Variants in OBI1 observed in about 807,000 individuals in gnomAD.
OBI1 encodes the protein ring finger protein 219.
A neutral mutation model predicts 62.4 loss-of-function variants in OBI1; 59 were observed. The observed-to-expected ratio is 0.95, with a 90% CI of 0.77 to 1.17. The LOEUF (loss-of-function observed/expected upper bound fraction) is 1.17. OBI1 is among the 50% of genes most tolerant of loss of function. The pLI is 0.00. For missense variants in OBI1, 875 were observed against 830.9 expected (o/e 1.05, Z -0.65); for synonymous variants, 302 against 292.8 (o/e 1.03, Z -0.32).
In OBI1 at chr13:78,617,251, G is replaced by C. The variant is rs942419640; in HGVS notation, c.639-129C>G. On this transcript the variant is annotated intron_variant, in intron 5 of 5. Transcript: ENST00000282003. Reference sequence around the variant, plus strand: ...GACATTTCAGACCACTCAATGAGTAGGGCAAATGCCAGATGTATATTTTCA... The same window carrying C: ...GACATTTCAGACCACTCAATGAGTACGGCAAATGCCAGATGTATATTTTCA... 4 of 608,186 alleles carry C rather than the reference G, an allele frequency of 6.6e-6. No homozygotes were observed. The African/African-American group carries it at 7.5e-5, about 11-fold the overall frequency. 37.7% of individuals were successfully genotyped at this position (608,186 alleles called of 1,614,324 possible).
At chr13:78,620,462 A>T in intron 5 of OBI1, 1 of 324,056 alleles carries the variant, frequency 3.1e-6, no homozygotes, top group East Asian at 9.1e-5. Flanking sequence ...TTTTCAAAGT[A>T]GCAGTGATGG....
At chr13:78,653,661 T>A (rs973153773) in intron 1 of OBI1, among the ~76,000 whole-genome samples, 1 of 152,174 alleles carries the variant, frequency 6.6e-6, no homozygotes, top group Non-Finnish European at 1.5e-5. Context: ...TGGACACTGA[T>A]GGAGGTGATG....
At chr13:78,656,944 C>T (rs1475190519) in intron 1 of OBI1, among the ~76,000 whole-genome samples, 1 of 151,798 alleles carries the variant, frequency 6.6e-6, no homozygotes, top group Middle Eastern at 3.2e-3. Context: ...TGCCACCACA[C>T]CCAGCAAATT....
At chr13:78,629,225 T>A (rs771732315) in intron 5 of OBI1, among the ~76,000 whole-genome samples, 36 of 152,042 alleles carry the variant, frequency 2.4e-4, no homozygotes, top group Non-Finnish European at 4.1e-4. Flanking sequence ...TACAGTAAAA[T>A]GAACTGCACT....
Position 78,615,997 on chromosome 13 carries a change from CTCAGT to C in OBI1, c.1759_1763del (p.Thr587AlafsTer10). The C allele has an allele frequency of 6.2e-7, 1 of 1,614,102 alleles. No homozygotes were observed. The highest frequency in any genetic ancestry group is 1.1e-5 in the South Asian group (1 of 91,078). Reference sequence around the variant, plus strand: ...TTAGAGAACCTTTGGAAAGGTTTAGCTCAGTTTTTTCTTCCAACTTATCAGGTTCC... The same window carrying C: ...TTAGAGAACCTTTGGAAAGGTTTAGCTTTTTCTTCCAACTTATCAGGTTCC... On this transcript the variant is annotated frameshift_variant, in exon 6 of 6. Coordinates refer to ENST00000282003, the MANE Select transcript of OBI1 (RefSeq NM_024546.4). LOFTEE classifies it high-confidence loss of function.
At chr13:78,620,268 G>A (rs1031764675) in intron 5 of OBI1, among the ~76,000 whole-genome samples, 20 of 152,138 alleles carry the variant, frequency 1.3e-4, no homozygotes, top group Admixed American at 3.9e-4. Context: ...ATTTATCTTT[G>A]GGTTTTAATA....
chr13:78,656,195 A>G (rs1487969554), intron 1 of OBI1, among the ~76,000 whole-genome samples: 1 of 152,246 alleles, frequency 6.6e-6, no homozygotes, highest in East Asian at 1.9e-4. Flanking sequence ...AACTTTGCAC[A>G]TGCTTTGTTT....
At chr13:78,658,688 C>T (rs369700340) in intron 1 of OBI1, among the ~76,000 whole-genome samples, 1 of 152,180 alleles carries the variant, frequency 6.6e-6, no homozygotes, top group Non-Finnish European at 1.5e-5. Flanking sequence ...CTTCACTACA[C>T]GCCACGCGAG....
intron 1 of OBI1, among the ~76,000 whole-genome samples, chr13:78,646,427 T>C (rs1876384692): frequency 6.6e-6 from 1 of 152,168 alleles, no homozygotes; most frequent in Non-Finnish European, 1.5e-5. Flanking sequence ...CAGAAGGAAA[T>C]AATGATTTAA....
chr13:78,653,452 G>T (rs1401647125), intron 1 of OBI1, among the ~76,000 whole-genome samples: 1 of 152,248 alleles, frequency 6.6e-6, no homozygotes, highest in African/African-American at 2.4e-5. Flanking sequence ...TCCATTTTCA[G>T]TTGTGGAAAC....
intron 1 of OBI1, among the ~76,000 whole-genome samples, chr13:78,649,888 G>C (rs1876496836): frequency 6.6e-6 from 1 of 152,180 alleles, no homozygotes; most frequent in African/African-American, 2.4e-5. Flanking sequence ...CACTATCTCA[G>C]CTGCTTATCT....
At chr13:78,649,591 T>C (rs766125006) in intron 1 of OBI1, among the ~76,000 whole-genome samples, 10 of 152,068 alleles carry the variant, frequency 6.6e-5, no homozygotes, top group Non-Finnish European at 1.3e-4. Context: ...TGTTTTGCTG[T>C]AAAGGAGAGA....
At chr13:78,639,299 CA>C (rs1876130113) in intron 3 of OBI1, among the ~76,000 whole-genome samples, 1 of 152,130 alleles carries the variant, frequency 6.6e-6, no homozygotes. Context: ...CATTTTAATT[CA>C]ATGTTAGTTG....
intron 5 of OBI1, 34 bp from the exon 6 acceptor site, chr13:78,617,156 C>T: frequency 2.0e-6 from 3 of 1,490,070 alleles, no homozygotes; most frequent in Non-Finnish European, 2.7e-6. Context: ...AATCTTATAA[C>T]TCAAGCTTTT....
intron 5 of OBI1, among the ~76,000 whole-genome samples, chr13:78,623,065 C>T (rs140765129): frequency 5.3e-4 from 80 of 152,140 alleles, no homozygotes; most frequent in African/African-American, 1.9e-3. Flanking sequence ...TGGGAAGCAA[C>T]CCATACATTT....
At chr13:78,646,749 TA>T (rs1171708744) in intron 1 of OBI1, among the ~76,000 whole-genome samples, 10 of 152,316 alleles carry the variant, frequency 6.6e-5, no homozygotes, top group Admixed American at 3.9e-4. Flanking sequence ...TTCATTAATT[TA>T]AAAGGGGCCC....
At chr13:78,658,324 G>A (rs1032967119) in intron 1 of OBI1, among the ~76,000 whole-genome samples, 2 of 152,092 alleles carry the variant, frequency 1.3e-5, no homozygotes, top group African/African-American at 2.4e-5. Flanking sequence ...GGAGAGGAAT[G>A]CATTAGAATA....
At chr13:78,625,901 G>A (rs1283652235) in intron 5 of OBI1, among the ~76,000 whole-genome samples, 1 of 152,206 alleles carries the variant, frequency 6.6e-6, no homozygotes, top group South Asian at 2.1e-4. Flanking sequence ...GCCAGAATAG[G>A]TCAAGAAGGG....
Position 78,642,075 on chromosome 13 carries a change from C to T in OBI1, c.300+47G>A, listed in dbSNP as rs369759862. 5.2e-6 allele frequency: 6 copies of T among 1,158,136 alleles called. No individual in the cohort carries two copies. The African/African-American group carries it at 7.6e-5, about 15-fold the overall frequency. 71.7% of individuals were successfully genotyped at this position (1,158,136 alleles called of 1,614,324 possible). On this transcript the variant is annotated intron_variant, in intron 3 of 5. Coordinates refer to ENST00000282003, the MANE Select transcript of OBI1 (RefSeq NM_024546.4). ...GGGGACTGAGGTAGGTCAGTTTTTA[C>T]CTTGAATTCACTGCTAACATAATTT...
Sources: gnomAD v4.1 joint callset for allele counts (sites outside exome capture counted in the v4.1 genomes callset) on GRCh38, gnomAD v4.1.1 for gene constraint, MANE v1.5 for transcripts, NCBI Gene and HGNC (gene_info 2026-07-23, HGNC 2026-07-21) for gene names.